The following ADAMTSL1 variants were observed in gnomAD, a reference collection of about 807,000 sequenced individuals.
ADAMTSL1 encodes ADAMTS-like protein 1.
A neutral mutation model predicts 201.8 loss-of-function variants in ADAMTSL1; 126 were observed. The ratio of observed to expected loss-of-function variants is 0.62; its 90% CI spans 0.54 to 0.72. The LOEUF (loss-of-function observed/expected upper bound fraction) is 0.72, where lower values mean the gene tolerates loss of function less well. Among genes scored for constraint, ADAMTSL1 ranks in the 30% least tolerant of loss-of-function variants. The pLI, the probability that ADAMTSL1 is intolerant of heterozygous loss-of-function variation, is 0.00. For missense variants in ADAMTSL1, 2,679 were observed against 2,277.8 expected (o/e 1.18, Z -3.59); for synonymous variants, 1,121 against 903.4 (o/e 1.24, Z -4.32).
chr9:17,939,383 C>A (rs1209932718), intron 1 of ADAMTSL1, among the ~76,000 whole-genome samples: 1 of 151,744 alleles, frequency 6.6e-6, no homozygotes. Flanking sequence ...CTTGGGTCCC[C>A]TTTCTACCAT....
chr9:18,829,341 T>C (rs890953552), intron 22 of ADAMTSL1, among the ~76,000 whole-genome samples: 2 of 152,164 alleles, frequency 1.3e-5, no homozygotes, highest in African/African-American at 4.8e-5. Flanking sequence ...CACAACTGCA[T>C]CTTTTGCTTC....
chr9:18,017,097 A>G (rs567004013), intron 1 of ADAMTSL1, among the ~76,000 whole-genome samples: 5 of 152,156 alleles, frequency 3.3e-5, no homozygotes, highest in Admixed American at 3.3e-4. Flanking sequence ...ATGATTCCAG[A>G]TAGATCAGAT....
At chr9:17,933,605 G>A (rs1377097554) in intron 1 of ADAMTSL1, among the ~76,000 whole-genome samples, 1 of 152,154 alleles carries the variant, frequency 6.6e-6, no homozygotes, top group Non-Finnish European at 1.5e-5. Context: ...TTGGCTCACA[G>A]TTCTGCAGGA....
At chr9:18,802,157 T>A (rs1822843355) in intron 20 of ADAMTSL1, among the ~76,000 whole-genome samples, 1 of 151,962 alleles carries the variant, frequency 6.6e-6, no homozygotes, top group South Asian at 2.1e-4. Context: ...ATACCTGTGG[T>A]CCCAGCTACA....
chr9:18,044,629 G>A (rs1821580358), intron 1 of ADAMTSL1, among the ~76,000 whole-genome samples: 1 of 152,168 alleles, frequency 6.6e-6, no homozygotes, highest in Non-Finnish European at 1.5e-5. Flanking sequence ...GAAAACAGTG[G>A]ATATAGATAC....
At chr9:18,395,669 C>T (rs1308473893) in intron 2 of ADAMTSL1, among the ~76,000 whole-genome samples, 1 of 152,158 alleles carries the variant, frequency 6.6e-6, no homozygotes, top group East Asian at 1.9e-4. Flanking sequence ...ACAGGTCTAT[C>T]ATCCTTCTCA....
chr9:18,879,111 A>G (rs1828363238), intron 23 of ADAMTSL1, among the ~76,000 whole-genome samples: 1 of 152,234 alleles, frequency 6.6e-6, no homozygotes, highest in Non-Finnish European at 1.5e-5. Context: ...CCCAAGCAAT[A>G]TAGATTTAAA....
intron 2 of ADAMTSL1, among the ~76,000 whole-genome samples, chr9:18,304,445 A>T (rs916454166): frequency 6.6e-6 from 1 of 152,186 alleles, no homozygotes; most frequent in East Asian, 1.9e-4. Context: ...ATGTGATATT[A>T]AAATAGCAAA....
chr9:18,323,725 T>G (rs899742735), intron 2 of ADAMTSL1, among the ~76,000 whole-genome samples: 1 of 152,180 alleles, frequency 6.6e-6, no homozygotes, highest in African/African-American at 2.4e-5. Context: ...AAAATACTTT[T>G]TTCAATAGCT....
At chr9:18,205,232 T>TTAGC (rs1307687545) in intron 2 of ADAMTSL1, among the ~76,000 whole-genome samples, 1 of 152,202 alleles carries the variant, frequency 6.6e-6, no homozygotes, top group Non-Finnish European at 1.5e-5. Flanking sequence ...CAAAAGACTT[T>TTAGC]TAGCATGACT....
At chr9:18,227,204 T>A (rs1157870086) in intron 2 of ADAMTSL1, among the ~76,000 whole-genome samples, 1 of 152,192 alleles carries the variant, frequency 6.6e-6, no homozygotes, top group East Asian at 1.9e-4. Flanking sequence ...ACTATATCCA[T>A]GCTAAATCGC....
At chr9:18,264,445 C>T (rs997895867) in intron 2 of ADAMTSL1, among the ~76,000 whole-genome samples, 4 of 152,130 alleles carry the variant, frequency 2.6e-5, no homozygotes, top group African/African-American at 9.7e-5. Flanking sequence ...GAGCTCTCCT[C>T]TGAAGAAGTG....
rs1042929962 is a variant in ADAMTSL1, at chr9:18,067,188, C to T, written c.88-96674C>T. The stretch of plus-strand genomic sequence containing the variant: ...TTAGCCTGACTCTTTAGATTCCAAT[C>T]CCAGCTCTACTATTTACTAGCCATG... On this transcript the variant is annotated intron_variant, in intron 1 of 29. Coordinates refer to the ADAMTSL1 transcript ENST00000680146. Among the ~76,000 whole-genome samples the T allele has an allele frequency of 1.5e-4, 23 of 152,144 alleles. 1 individual carries two copies. The highest frequency in any genetic ancestry group is 2.9e-5 in the Non-Finnish European group (2 of 68,030).
At chr9:17,960,272 A>C (rs1054098960) in intron 1 of ADAMTSL1, among the ~76,000 whole-genome samples, 2 of 152,164 alleles carry the variant, frequency 1.3e-5, no homozygotes, top group Non-Finnish European at 2.9e-5. Context: ...TGTAGATACT[A>C]TGTCTGCTTG....
At chr9:18,379,978 C>T (rs1011384754) in intron 2 of ADAMTSL1, among the ~76,000 whole-genome samples, 11 of 152,292 alleles carry the variant, frequency 7.2e-5, no homozygotes, top group South Asian at 2.1e-4. Flanking sequence ...GGAATGGGAT[C>T]ACTGAATTTT....
At chr9:17,993,778 C>T (rs1287856622) in intron 1 of ADAMTSL1, among the ~76,000 whole-genome samples, 1 of 152,020 alleles carries the variant, frequency 6.6e-6, no homozygotes, top group African/African-American at 2.4e-5. Context: ...TGTTTGTTTT[C>T]TTTGGCATTT....
At chr9:18,071,137 A>T (rs1822944872) in intron 1 of ADAMTSL1, among the ~76,000 whole-genome samples, 1 of 152,232 alleles carries the variant, frequency 6.6e-6, no homozygotes, top group Non-Finnish European at 1.5e-5. Context: ...AAGTTTTGAG[A>T]TGAGCATTCT....
intron 7 of ADAMTSL1, among the ~76,000 whole-genome samples, chr9:18,655,090 A>G (rs1169738869): frequency 6.6e-6 from 1 of 152,240 alleles, no homozygotes; most frequent in African/African-American, 2.4e-5. Context: ...CTTAGGGAAA[A>G]TCCCAAAGCT....
chr9:17,983,098 T>C (rs1347515540), intron 1 of ADAMTSL1, among the ~76,000 whole-genome samples: 1 of 127,130 alleles, frequency 7.9e-6, no homozygotes, highest in East Asian at 3.2e-4. Context: ...TGAGACTGAA[T>C]CTTGCTCTGT....
Sources: gnomAD v4.1 joint callset for allele counts (sites outside exome capture counted in the v4.1 genomes callset) on GRCh38, gnomAD v4.1.1 for gene constraint, MANE v1.5 for transcripts, NCBI Gene and HGNC (gene_info 2026-07-23, HGNC 2026-07-21) for gene names.